The following CDYL2 variants were observed in gnomAD, a reference collection of about 807,000 sequenced individuals.
The protein encoded by CDYL2 is chromodomain Y-like protein 2.
Under a neutral mutation model 49.4 loss-of-function variants are expected in CDYL2, and 23 were observed. The ratio of observed to expected loss-of-function variants is 0.47; its 90% confidence interval spans 0.34 to 0.66. The LOEUF is 0.66. Among genes scored for constraint, CDYL2 ranks in the 30% least tolerant of loss-of-function variants. CDYL2 has a pLI of 0.01. For missense variants in CDYL2, 678 were observed against 656.4 expected (o/e 1.03, Z -0.36); for synonymous variants, 360 against 268.8 (o/e 1.34, Z -3.32).
At chr16:80,644,171 C>A (rs547355392) in intron 2 of CDYL2, among the ~76,000 whole-genome samples, 1 of 152,346 alleles carries the variant, frequency 6.6e-6, no homozygotes, top group East Asian at 1.9e-4. Flanking sequence ...ATCTCTAAGG[C>A]AGGGGCAAAA....
rs917233939 is a variant in CDYL2, at chr16:80,602,506, A to C, written c.*1882T>G. ...TCTCTAGATCTGGTGTAGACTATCA[A>C]CGTGTTCTTTGAAACTCAAAGCTCA... On this transcript the variant is annotated 3_prime_UTR_variant, in exon 7 of 7. Transcript: ENST00000570137. 2.0e-5 allele frequency: 3 copies of C among 152,186 alleles called. No homozygotes were observed. The highest frequency in any genetic ancestry group is 2.9e-5 in the Non-Finnish European group (2 of 68,024). The allele number at this position is 152,186 out of a possible 1,614,324, so 9.4% of individuals were successfully genotyped here.
intron 2 of CDYL2, among the ~76,000 whole-genome samples, chr16:80,643,292 T>A (rs917734943): frequency 4.6e-5 from 7 of 152,240 alleles, no homozygotes; most frequent in African/African-American, 1.7e-4. Context: ...GCCCGTGGTC[T>A]TGGGCAGCTC....
chr16:80,657,971 A>C (rs1908880491), intron 2 of CDYL2, among the ~76,000 whole-genome samples: 1 of 152,206 alleles, frequency 6.6e-6, no homozygotes, highest in African/African-American at 2.4e-5. Flanking sequence ...GCTCTAAAAA[A>C]GAAAGAGCTA....
intron 1 of CDYL2, among the ~76,000 whole-genome samples, chr16:80,733,934 G>A (rs567488772): frequency 6.6e-6 from 1 of 152,118 alleles, no homozygotes. Flanking sequence ...TCCCCAACAG[G>A]ATTAAGTCTA....
rs1407287067 is a variant in CDYL2 at position 80,693,037 on chromosome 16, T to C, written c.25-7908A>G. Among the ~76,000 whole-genome samples the C allele has an allele frequency of 4.7e-5, 7 of 149,826 alleles. No homozygotes were observed. In the Admixed American group the frequency reaches 4.8e-4, roughly 10 times the overall value. Reference sequence around the variant, plus strand: ...ATTTGGAAGAAACTCACAGGCATTATGCTGAATGAAGGGGCCAGACTCAGA... The same window carrying C: ...ATTTGGAAGAAACTCACAGGCATTACGCTGAATGAAGGGGCCAGACTCAGA... On this transcript the variant is annotated intron_variant, in intron 1 of 6. Transcript: ENST00000570137.
chr16:80,720,112 G>A (rs943269570), intron 1 of CDYL2, among the ~76,000 whole-genome samples: 1 of 152,094 alleles, frequency 6.6e-6, no homozygotes, highest in African/African-American at 2.4e-5. Flanking sequence ...AATGAAACTG[G>A]GAACATAAGA....
At chr16:80,800,822 A>G (rs749915753) in intron 1 of CDYL2, among the ~76,000 whole-genome samples, 3 of 152,208 alleles carry the variant, frequency 2.0e-5, no homozygotes, top group Non-Finnish European at 2.9e-5. Flanking sequence ...GAGAGACAAG[A>G]AAACTGAGAG....
intron 1 of CDYL2, among the ~76,000 whole-genome samples, chr16:80,731,410 G>A (rs571051774): frequency 4.6e-5 from 7 of 152,202 alleles, no homozygotes; most frequent in African/African-American, 1.7e-4. Context: ...AGTGAGAACA[G>A]ATAACTAAAA....
At chr16:80,661,975 C>T (rs1267098316) in intron 2 of CDYL2, among the ~76,000 whole-genome samples, 1 of 152,204 alleles carries the variant, frequency 6.6e-6, no homozygotes, top group Non-Finnish European at 1.5e-5. Context: ...GAACTCACTC[C>T]AGCAATCACA....
Position 80,604,437 on chromosome 16 carries a change from C to A in CDYL2, c.1472G>T (p.Gly491Val). 6.2e-7 allele frequency: 1 copy of A among 1,614,200 alleles called. No homozygotes were observed. Among genetic ancestry groups the A allele is most frequent in the Non-Finnish European group, 8.5e-7 (1 of 1,180,046 alleles). Residue 491 changes from glycine to valine, a missense_variant, in exon 7 of 7, where the codon GGC (glycine) becomes GTC (valine). Transcript: ENST00000570137. The part of the protein sequence containing the change: ...MLKQLWSSSK[G>V]LDSLFSYLQD... Reference sequence around the variant, plus strand: ...CAGGTAGCTGAAAAGGGAGTCAAGGCCTTTGGAGGAGCTCCAGAGCTGCTT... The same window carrying A: ...CAGGTAGCTGAAAAGGGAGTCAAGGACTTTGGAGGAGCTCCAGAGCTGCTT...
At chr16:80,751,810 C>T (rs1263131875) in intron 1 of CDYL2, among the ~76,000 whole-genome samples, 1 of 152,166 alleles carries the variant, frequency 6.6e-6, no homozygotes, top group Non-Finnish European at 1.5e-5. Flanking sequence ...TCAGAGATAG[C>T]TGAACCTTAC....
At chr16:80,730,435 G>A (rs550111255) in intron 1 of CDYL2, among the ~76,000 whole-genome samples, 12 of 152,184 alleles carry the variant, frequency 7.9e-5, no homozygotes, top group African/African-American at 2.9e-4. Flanking sequence ...ACCAATAACA[G>A]GAGCTGAAAT....
chr16:80,750,327 G>A (rs550596523), intron 1 of CDYL2, among the ~76,000 whole-genome samples: 2 of 146,992 alleles, frequency 1.4e-5, no homozygotes, highest in South Asian at 2.1e-4. Flanking sequence ...TTCCAAGTAG[G>A]ATAAAATGAT....
At chr16:80,803,477 C>T (rs1043366553) in intron 1 of CDYL2, among the ~76,000 whole-genome samples, 2 of 152,118 alleles carry the variant, frequency 1.3e-5, no homozygotes, top group African/African-American at 4.8e-5. Context: ...CAAGGGCCAC[C>T]CCCACGCCCG....
At chr16:80,686,032 C>G (rs1326285224) in intron 1 of CDYL2, among the ~76,000 whole-genome samples, 1 of 152,180 alleles carries the variant, frequency 6.6e-6, no homozygotes, top group African/African-American at 2.4e-5. Flanking sequence ...TGGGTGTACA[C>G]CACTATTATT....
chr16:80,671,166 G>C (rs1052961472), intron 2 of CDYL2, among the ~76,000 whole-genome samples: 1 of 152,164 alleles, frequency 6.6e-6, no homozygotes, highest in African/African-American at 2.4e-5. Context: ...CCAGGGAGCA[G>C]ACAGGTGGGT....
chr16:80,704,047 G>A (rs1275662041), intron 1 of CDYL2, among the ~76,000 whole-genome samples: 4 of 152,186 alleles, frequency 2.6e-5, no homozygotes, highest in Admixed American at 2.6e-4. Context: ...AAGGTGACCA[G>A]TAAAAACTCC....
chr16:80,786,669 C>T lies in CDYL2; in HGVS notation c.24+17481G>A, dbSNP rs890451215. 3.9e-5 allele frequency among the ~76,000 whole-genome samples: 6 copies of T among 152,056 alleles called. 1 individual carries two copies. The highest frequency in any genetic ancestry group is 3.9e-4 in the Admixed American group (6 of 15,272). On this transcript the variant is annotated intron_variant, in intron 1 of 6. Transcript: ENST00000570137. Reference sequence around the variant, plus strand: ...ACAATAGCAAAGACTTGGAACCAACCCAAATGTCCATCAATGATAGACTGG... The same window carrying T: ...ACAATAGCAAAGACTTGGAACCAACTCAAATGTCCATCAATGATAGACTGG...
At chr16:80,679,144 G>T (rs1909873382) in intron 2 of CDYL2, among the ~76,000 whole-genome samples, 1 of 150,520 alleles carries the variant, frequency 6.6e-6, no homozygotes, top group African/African-American at 2.4e-5. Flanking sequence ...GATAGCATTG[G>T]GAGATATACC....
Sources: gnomAD v4.1 joint callset for allele counts (sites outside exome capture counted in the v4.1 genomes callset) on GRCh38, gnomAD v4.1.1 for gene constraint, MANE v1.5 for transcripts, NCBI Gene and HGNC (gene_info 2026-07-23, HGNC 2026-07-21) for gene names.